Variants in RAP1GAP2 observed in about 807,000 individuals in gnomAD.
RAP1GAP2 encodes the protein RAP1 GTPase activating protein 2, also known as rap1 GTPase-activating protein 2.
A neutral mutation model predicts 95.0 loss-of-function variants in RAP1GAP2; 27 were observed. That is an observed-to-expected ratio of 0.28 (90% confidence interval 0.21 to 0.39). The LOEUF is 0.39. RAP1GAP2 is among the 10% of genes least tolerant of loss of function. The probability of loss-of-function intolerance (pLI) is 1.00; values close to 1 mark genes in which losing one functional copy is unlikely to be tolerated. For missense variants in RAP1GAP2, 771 were observed against 970.0 expected (o/e 0.79, Z 2.72); for synonymous variants, 373 against 380.9 (o/e 0.98, Z 0.24).
intron 3 of RAP1GAP2, 57 bp from the exon 4 acceptor site, chr17:2,957,702 T>G: frequency 6.4e-7 from 1 of 1,557,614 alleles, no homozygotes; most frequent in Non-Finnish European, 8.8e-7. Flanking sequence ...AAGAGGCTTT[T>G]GCTGTGGACC....
At chr17:2,761,307 A>G (rs1454195160) in intron 1 of RAP1GAP2, among the ~76,000 whole-genome samples, 15 of 102,848 alleles carry the variant, frequency 1.5e-4, no homozygotes, top group Non-Finnish European at 2.1e-4. Context: ...TTTTTTTTTG[A>G]GACGGAGTTT....
intron 10 of RAP1GAP2, among the ~76,000 whole-genome samples, chr17:2,983,461 C>G (rs1057363312): frequency 6.6e-6 from 1 of 152,140 alleles, no homozygotes; most frequent in Non-Finnish European, 1.5e-5. Context: ...AAAACAGAAA[C>G]AAAGATATTG....
Position 2,965,183 on chromosome 17 carries a change from A to G in RAP1GAP2, c.493-357A>G, listed in dbSNP as rs2044536651. The G allele has an allele frequency of 4.1e-6, 1 of 245,302 alleles. No homozygotes were observed. Among genetic ancestry groups the G allele is most frequent in the Non-Finnish European group, 8.0e-6 (1 of 124,500 alleles). 15.2% of individuals were successfully genotyped at this position (245,302 alleles called of 1,614,324 possible). A position where few individuals can be genotyped will look rare whatever the true frequency, so the allele number is the denominator to read the frequency against. On this transcript the variant is annotated intron_variant, in intron 7 of 24. Coordinates refer to ENST00000254695, the MANE Select transcript of RAP1GAP2 (RefSeq NM_015085.5). The surrounding 1 kb of genome is among the most constrained non-coding windows in gnomAD (Gnocchi z 4.7). ...GGTTAAGAACTTGCCCTTCAGAGTC[A>G]AGACAGCTGTGCGTTTGAACCCTGG...
intron 2 of RAP1GAP2, among the ~76,000 whole-genome samples, chr17:2,889,118 A>G (rs938370012): frequency 6.6e-6 from 1 of 152,034 alleles, no homozygotes; most frequent in Non-Finnish European, 1.5e-5. Context: ...TCGCTGGGTC[A>G]TGTGGTTGTT....
chr17:2,939,979 C>T (rs1221544783), intron 3 of RAP1GAP2, among the ~76,000 whole-genome samples: 2 of 152,264 alleles, frequency 1.3e-5, no homozygotes, highest in East Asian at 1.9e-4. Context: ...CAGCAGCCGC[C>T]GCCGTGGTGG....
intron 1 of RAP1GAP2, chr17:2,800,097 C>G (rs1182091640): frequency 2.1e-5 from 15 of 698,846 alleles, no homozygotes; most frequent in Non-Finnish European, 2.6e-5. Flanking sequence ...TGGATGTCCA[C>G]CTGGCATTCA....
intron 13 of RAP1GAP2, 84 bp downstream of exon 13, chr17:2,995,550 G>A: frequency 1.3e-6 from 2 of 1,555,754 alleles, no homozygotes; most frequent in Non-Finnish European, 8.8e-7. Flanking sequence ...AGAGGCTGTG[G>A]CCGTCCCCAT....
In RAP1GAP2 at chr17:3,035,702, A is replaced by G. The variant is rs908202576; in HGVS notation, c.*2341A>G. ...CTTCCAGAGTGTGCACTTCCAGCCC[A>G]CCCGGGCAGTGCTGAGAGGGAGGAG... On this transcript the variant is annotated 3_prime_UTR_variant, in exon 25 of 25. Coordinates refer to ENST00000254695, the MANE Select transcript of RAP1GAP2 (RefSeq NM_015085.5). This position sits in a 1 kb window ranked among gnomAD's most constrained non-coding sequence, Gnocchi z 4.3. 1 of 152,044 alleles carries G rather than the reference A, an allele frequency of 6.6e-6. No homozygotes were observed. The highest frequency in any genetic ancestry group is 1.5e-5 in the Non-Finnish European group (1 of 68,078). The allele number at this position is 152,044 out of a possible 1,614,324, so 9.4% of individuals were successfully genotyped here.
intron 1 of RAP1GAP2, among the ~76,000 whole-genome samples, chr17:2,787,733 A>G (rs766377019): frequency 2.0e-5 from 3 of 151,920 alleles, no homozygotes; most frequent in Non-Finnish European, 4.4e-5. Flanking sequence ...ACACCTGGCT[A>G]AGTTTTTGTA....
rs76729171 is a variant in RAP1GAP2, at chr17:2,899,008, G to A, written c.81-6276G>A. On this transcript the variant is annotated intron_variant, in intron 2 of 24. Transcript: ENST00000254695. Reference sequence around the variant, plus strand: ...CAGCCCCTGGCAACCTCTCATCACCGTTCTGTCTGTGGATTTGCCTGTTCT... The same window carrying A: ...CAGCCCCTGGCAACCTCTCATCACCATTCTGTCTGTGGATTTGCCTGTTCT... Among the ~76,000 whole-genome samples the A allele has an allele frequency of 1.9e-3, 269 of 144,242 alleles. 3 individuals are homozygous for A. The highest frequency in any genetic ancestry group is 0.014 in the East Asian group (72 of 5,168). The allele number at this position is 144,242 out of a possible 152,430, so 94.6% of individuals were successfully genotyped here.
Position 3,026,342 on chromosome 17 carries a change from C to T in RAP1GAP2, c.1866-8C>T. ...ACCCGGGCTGGCCTCACTTCCTATT[C>T]CCTGCAGGCCCTTCATGAAGTTGAA... On this transcript the variant is annotated splice_polypyrimidine_tract_variant and splice_region_variant and intron_variant, in intron 20 of 24. Coordinates refer to ENST00000254695, the MANE Select transcript of RAP1GAP2 (RefSeq NM_015085.5). The T allele has an allele frequency of 6.5e-7, 1 of 1,547,488 alleles. No homozygotes were observed. The highest frequency in any genetic ancestry group is 8.7e-7 in the Non-Finnish European group (1 of 1,143,658).
chr17:2,815,740 C>T (rs1966299), intron 2 of RAP1GAP2, among the ~76,000 whole-genome samples: 54,910 of 151,876 alleles, frequency 0.36, 10,266 homozygotes, highest in Non-Finnish European at 0.39. Flanking sequence ...CCTTGGCCTC[C>T]CAAAGTGCTG....
intron 3 of RAP1GAP2, among the ~76,000 whole-genome samples, chr17:2,941,164 G>T (rs946874766): frequency 1.3e-5 from 2 of 152,232 alleles, no homozygotes; most frequent in Non-Finnish European, 2.9e-5. Context: ...CACTTTGGGA[G>T]GCCGAAGCGG....
intron 1 of RAP1GAP2, among the ~76,000 whole-genome samples, chr17:2,778,553 T>C (rs1399216228): frequency 1.3e-5 from 2 of 152,080 alleles, no homozygotes; most frequent in Non-Finnish European, 2.9e-5. Flanking sequence ...TGATCAACTC[T>C]GGCTGAGCCA....
chr17:2,906,904 A>G lies in RAP1GAP2; in HGVS notation c.165+1536A>G, dbSNP rs2042215181. Among the ~76,000 whole-genome samples the G allele has an allele frequency of 6.6e-6, 1 of 152,138 alleles. No homozygotes were observed. Among genetic ancestry groups the G allele is most frequent in the African/African-American group, 2.4e-5 (1 of 41,434 alleles). On this transcript the variant is annotated intron_variant, in intron 3 of 24. Transcript: ENST00000254695. This position sits in a 1 kb window ranked among gnomAD's most constrained non-coding sequence, Gnocchi z 4.3. ...ACAGAAACATAACTCACTCTGGCTTAGTCATAAAAGGGTATTTTTTGCCTT... is the reference window on the plus strand; with the variant it reads ...ACAGAAACATAACTCACTCTGGCTTGGTCATAAAAGGGTATTTTTTGCCTT...
At chr17:2,993,810 G>A (rs1482092384) in intron 12 of RAP1GAP2, among the ~76,000 whole-genome samples, 3 of 152,212 alleles carry the variant, frequency 2.0e-5, no homozygotes, top group Middle Eastern at 6.8e-3. Flanking sequence ...CGAGGCGGGT[G>A]GATCGCTTGA....
At chr17:3,002,011 A>G (rs1242374536) in intron 14 of RAP1GAP2, among the ~76,000 whole-genome samples, 9 of 146,676 alleles carry the variant, frequency 6.1e-5, no homozygotes, top group East Asian at 2.0e-4. Context: ...CACCCAGGCT[A>G]GAGTGCAGTG....
At chr17:2,992,521 C>A (rs1367316318) in intron 12 of RAP1GAP2, among the ~76,000 whole-genome samples, 2 of 152,124 alleles carry the variant, frequency 1.3e-5, no homozygotes, top group African/African-American at 4.8e-5. Context: ...TTGGAAAACT[C>A]TGGCCCTTGA....
At chr17:2,984,122 A>C (rs1413856415) in intron 10 of RAP1GAP2, among the ~76,000 whole-genome samples, 1 of 152,182 alleles carries the variant, frequency 6.6e-6, no homozygotes, top group Non-Finnish European at 1.5e-5. Flanking sequence ...AGGCTGAGGC[A>C]GGCGGATCAC....
Sources: gnomAD v4.1 joint callset for allele counts (sites outside exome capture counted in the v4.1 genomes callset) on GRCh38, gnomAD v4.1.1 for gene constraint, Gnocchi (gnomAD v3.1) non-coding constraint, MANE v1.5 for transcripts, NCBI Gene and HGNC (gene_info 2026-07-23, HGNC 2026-07-21) for gene names.